Variants in TMEFF1 observed in about 807,000 individuals in gnomAD.
The protein encoded by TMEFF1 is tomoregulin-1.
Under a neutral mutation model 47.5 loss-of-function variants are expected in TMEFF1, and 20 were observed. That is an observed-to-expected ratio of 0.42 (90% CI 0.30 to 0.61). The LOEUF is 0.61. Ranked by LOEUF, TMEFF1 falls within the 20% of genes least tolerant of loss-of-function variation. The pLI, the probability that TMEFF1 is intolerant of heterozygous loss-of-function variation, is 0.19. For synonymous variants in TMEFF1, 162 were observed against 166.3 expected (o/e 0.97, Z 0.20); for missense variants, 411 against 471.1 (o/e 0.87, Z 1.18).
At chr9:100,498,564 A>G (rs1187077933) in intron 1 of TMEFF1, among the ~76,000 whole-genome samples, 1 of 152,110 alleles carries the variant, frequency 6.6e-6, no homozygotes, top group Non-Finnish European at 1.5e-5. Flanking sequence ...GCTCATTACT[A>G]TGCAGGATTC....
chr9:100,573,820 C>T (rs141977242), intron 9 of TMEFF1, among the ~76,000 whole-genome samples: 2 of 152,350 alleles, frequency 1.3e-5, no homozygotes, highest in South Asian at 2.1e-4. Context: ...AAAGTCAGTG[C>T]GCTTTATTTC....
chr9:100,489,671 A>G (rs773624187), intron 1 of TMEFF1, among the ~76,000 whole-genome samples: 3 of 152,188 alleles, frequency 2.0e-5, no homozygotes, highest in Non-Finnish European at 4.4e-5. Flanking sequence ...AGGTTTTTAA[A>G]ATAGGCATTA....
At chr9:100,511,584 A>G (rs1587829197) in intron 3 of TMEFF1, among the ~76,000 whole-genome samples, 1 of 152,324 alleles carries the variant, frequency 6.6e-6, no homozygotes, top group African/African-American at 2.4e-5. Flanking sequence ...TAGAAATACT[A>G]TTCTCTTTTC....
intron 7 of TMEFF1, among the ~76,000 whole-genome samples, chr9:100,558,288 C>T (rs1838953360): frequency 6.6e-6 from 1 of 152,028 alleles, no homozygotes; most frequent in African/African-American, 2.4e-5. Context: ...CCTTATAGGA[C>T]TTTATTATCA....
intron 6 of TMEFF1, among the ~76,000 whole-genome samples, chr9:100,548,618 A>G (rs945913461): frequency 1.3e-5 from 2 of 152,156 alleles, no homozygotes; most frequent in African/African-American, 4.8e-5. Context: ...AGGATTGTAT[A>G]TCTTTCTTGC....
chr9:100,482,022 G>A (rs982224424), intron 1 of TMEFF1, among the ~76,000 whole-genome samples: 10 of 152,082 alleles, frequency 6.6e-5, no homozygotes, highest in African/African-American at 2.4e-4. Context: ...TGATGTGCCT[G>A]CCTTGGCCTC....
chr9:100,475,636 A>G (rs1485479819), intron 1 of TMEFF1, among the ~76,000 whole-genome samples: 2 of 152,078 alleles, frequency 1.3e-5, no homozygotes, highest in Non-Finnish European at 1.5e-5. Context: ...TAACTTGCAT[A>G]GTTCAAGTTT....
At chr9:100,576,054 A>G (rs1272273751) in intron 9 of TMEFF1, among the ~76,000 whole-genome samples, 1 of 152,114 alleles carries the variant, frequency 6.6e-6, no homozygotes, top group Non-Finnish European at 1.5e-5. Context: ...TAATAAGCAC[A>G]CTTCTTCCTG....
chr9:100,569,122 C>G (rs1446345034), intron 8 of TMEFF1, among the ~76,000 whole-genome samples: 1 of 152,124 alleles, frequency 6.6e-6, no homozygotes, highest in East Asian at 1.9e-4. Context: ...AATGGTAACC[C>G]TGTGTTTAAC....
chr9:100,574,121 G>A (rs1717480696), intron 9 of TMEFF1, among the ~76,000 whole-genome samples: 1 of 152,188 alleles, frequency 6.6e-6, no homozygotes, highest in Non-Finnish European at 1.5e-5. Flanking sequence ...AAACATGTTT[G>A]CCCAGTATGA....
intron 2 of TMEFF1, among the ~76,000 whole-genome samples, chr9:100,500,252 T>C (rs34471402): frequency 0.22 from 33,501 of 152,154 alleles, 4,013 homozygotes; most frequent in South Asian, 0.33. Flanking sequence ...GTATGGTTTT[T>C]CTTGAACTTA....
intron 6 of TMEFF1, among the ~76,000 whole-genome samples, chr9:100,548,156 T>C (rs576492705): frequency 3.9e-5 from 6 of 152,128 alleles, no homozygotes; most frequent in Non-Finnish European, 8.8e-5. Flanking sequence ...ATTATAATTA[T>C]TATTTATAGT....
intron 8 of TMEFF1, among the ~76,000 whole-genome samples, 189 bp downstream of exon 8, chr9:100,561,709 TC>T (rs1267750623): frequency 6.6e-6 from 1 of 151,566 alleles, no homozygotes; most frequent in Non-Finnish European, 1.5e-5. Context: ...AAAACAAAAA[TC>T]TTTTTTTTTT....
At chr9:100,525,567 C>T (rs1838240204) in intron 5 of TMEFF1, among the ~76,000 whole-genome samples, 1 of 151,522 alleles carries the variant, frequency 6.6e-6, no homozygotes, top group African/African-American at 2.4e-5. Context: ...CCCGAACCCC[C>T]CGTATTCTGA....
intron 5 of TMEFF1, among the ~76,000 whole-genome samples, chr9:100,519,150 A>G (rs1587833319): frequency 6.6e-6 from 1 of 152,272 alleles, no homozygotes. Flanking sequence ...GCAGTGGCTC[A>G]TGCCTGTAAT....
At chr9:100,515,208 T>A (rs1049462115) in intron 4 of TMEFF1, among the ~76,000 whole-genome samples, 35 of 151,456 alleles carry the variant, frequency 2.3e-4, no homozygotes, top group Admixed American at 4.6e-4. Flanking sequence ...TTTTAAAAAA[T>A]TTTTTTTTGA....
intron 5 of TMEFF1, among the ~76,000 whole-genome samples, chr9:100,534,010 C>T (rs993761591): frequency 6.6e-6 from 1 of 152,156 alleles, no homozygotes; most frequent in Non-Finnish European, 1.5e-5. Flanking sequence ...AGCCACCACT[C>T]CCGGCCTTTA....
intron 7 of TMEFF1, among the ~76,000 whole-genome samples, chr9:100,551,509 T>C (rs1324886523): frequency 6.6e-6 from 1 of 152,194 alleles, no homozygotes; most frequent in African/African-American, 2.4e-5. Flanking sequence ...TTGACTAGAA[T>C]AGGAAGGCCA....
chr9:100,513,446 A>C, intron 4 of TMEFF1, 113 bp downstream of exon 4: 2 of 1,329,542 alleles, frequency 1.5e-6, no homozygotes, highest in Non-Finnish European at 1.0e-6. Context: ...ATACCATATA[A>C]TTTGCCACTT....
Sources: allele counts gnomAD v4.1 joint callset (sites outside exome capture counted in the v4.1 genomes callset), GRCh38; gene constraint gnomAD v4.1.1; transcripts MANE v1.5; gene names NCBI Gene and HGNC (gene_info 2026-07-23, HGNC 2026-07-21).